Variants in SLC26A9 observed in about 807,000 individuals in gnomAD.
SLC26A9 encodes solute carrier family 26 member 9.
A neutral mutation model predicts 87.1 loss-of-function variants in SLC26A9; 46 were observed. That is an observed-to-expected ratio of 0.53 (90% CI 0.42 to 0.67). The LOEUF is 0.67. Among genes scored for constraint, SLC26A9 ranks in the 30% least tolerant of loss-of-function variants. The probability of loss-of-function intolerance (pLI) is 0.00; values close to 1 mark genes in which losing one functional copy is unlikely to be tolerated. For synonymous variants in SLC26A9, 437 were observed against 409.1 expected (o/e 1.07, Z -0.82); for missense variants, 927 against 1,018.3 (o/e 0.91, Z 1.22).
At chr1:205,929,162 A>G in intron 7 of SLC26A9, 42 bp downstream of exon 7, 5 of 1,591,802 alleles carry the variant, frequency 3.1e-6, no homozygotes, top group Non-Finnish European at 4.3e-6. Context: ...CTCGTCTCAC[A>G]GCCTGGCCCC....
In SLC26A9 at chr1:205,932,007, C is replaced by A. The variant is rs773120486; in HGVS notation, c.405G>T (p.Val135=). 6.2e-7 allele frequency: 1 copy of A among 1,614,180 alleles called. No homozygotes were observed. Among genetic ancestry groups the A allele is most frequent in the East Asian group, 2.2e-5 (1 of 44,878 alleles). The change falls in exon 5 of 21, where the codon GTG becomes GTT. Residue 135 remains valine (V), a synonymous_variant. Transcript: ENST00000367135. ...GGGCCAGCTGCAGACAGATGTTACCCACCAGGATGCTGATAACGGCAAAGG... is the reference window on the plus strand; with the variant it reads ...GGGCCAGCTGCAGACAGATGTTACCAACCAGGATGCTGATAACGGCAAAGG... The part of the protein sequence containing the change: ...PGTFAVISIL[V]GNICLQLAPE...
rs376730677 is a variant in SLC26A9 at position 205,915,006 on chromosome 1, C to T, written c.*351G>A. 1.9e-6 allele frequency: 3 copies of T among 1,614,052 alleles called. No individual in the cohort carries two copies. Among genetic ancestry groups the T allele is most frequent in the Admixed American group, 1.7e-5 (1 of 60,000 alleles). ...TGTACTTGTCCTTCTGTTTTTGGCT[C>T]ACTCGTAAAAGCTGGAAGTCAAGGT... On this transcript the variant is annotated 3_prime_UTR_variant, in exon 21 of 21. Coordinates refer to ENST00000367135, the MANE Select transcript of SLC26A9 (RefSeq NM_052934.4).
At chr1:205,933,589 C>T (rs1173223467) in intron 2 of SLC26A9, among the ~76,000 whole-genome samples, 1 of 152,164 alleles carries the variant, frequency 6.6e-6, no homozygotes, top group African/African-American at 2.4e-5. Context: ...TTGTACACCT[C>T]GAGCCTTGCA....
intron 5 of SLC26A9, chr1:205,930,326 C>T (rs1659254356): frequency 6.8e-6 from 2 of 293,400 alleles, no homozygotes; most frequent in African/African-American, 4.3e-5. Context: ...AGTCCTCCCC[C>T]AGTGTTTTCT....
rs149153690 is a variant in SLC26A9 at position 205,930,299 on chromosome 1, A to G, written c.553-243T>C. The G allele has an allele frequency of 3.5e-3, 1,251 of 356,276 alleles. 3 individuals carry two copies. The highest frequency in any genetic ancestry group is 4.9e-3 in the Non-Finnish European group (963 of 198,050). The allele number at this position is 356,276 out of a possible 1,614,324, so 22.1% of individuals were successfully genotyped here. ...CACATCACCTCTCTGGCTTTGGCTT[A>G]TCTGTAAAATAAGTCTAGTCCTCCC... On this transcript the variant is annotated intron_variant, in intron 5 of 20. Transcript: ENST00000367135.
intron 4 of SLC26A9, among the ~76,000 whole-genome samples, chr1:205,932,456 C>T (rs901451910): frequency 2.6e-5 from 4 of 152,262 alleles, no homozygotes; most frequent in African/African-American, 9.6e-5. Flanking sequence ...TCTTGTTCTG[C>T]TAAGTCTTCC....
chr1:205,926,699 G>A (rs1287702685), intron 11 of SLC26A9, 69 bp from the exon 12 acceptor site: 13 of 1,279,842 alleles, frequency 1.0e-5, no homozygotes, highest in South Asian at 2.4e-5. Flanking sequence ...GCGCATACCC[G>A]ACCCCAAGGC....
At position 205,923,338 on chromosome 1, in the gene SLC26A9, G is replaced by A; in HGVS notation, c.1656C>T (p.Ala552=). ...NSEIFRQKVI[A]KTGMDPQKVL... Reference sequence around the variant, plus strand: ...GTCGCCAGGGACTGAGCCTTACCTTGGCGATGACCTTTTGCCTGAAGATCT... The same window carrying A: ...GTCGCCAGGGACTGAGCCTTACCTTAGCGATGACCTTTTGCCTGAAGATCT... Residue 552 remains alanine, a synonymous_variant, in exon 15 of 21, where the codon GCC becomes GCT. Transcript: ENST00000367135. 1.2e-6 allele frequency: 2 copies of A among 1,614,102 alleles called. No homozygotes were observed. The highest frequency in any genetic ancestry group is 2.2e-5 in the East Asian group (1 of 44,878).
At chr1:205,924,983 C>A (rs564421245) in intron 12 of SLC26A9, among the ~76,000 whole-genome samples, 5 of 152,086 alleles carry the variant, frequency 3.3e-5, no homozygotes, top group African/African-American at 1.2e-4. Context: ...TTTCTAGAGA[C>A]GGCTCTCGCT....
At chr1:205,915,446 G>A in intron 20 of SLC26A9, 42 bp from the exon 21 acceptor site, 1 of 1,613,278 alleles carries the variant, frequency 6.2e-7, no homozygotes, top group African/African-American at 1.3e-5. Context: ...GAAGAGAGAG[G>A]TTAGACCAGT....
At chr1:205,929,852 G>A (rs1659233722) in intron 6 of SLC26A9, 40 bp downstream of exon 6, 2 of 1,553,518 alleles carry the variant, frequency 1.3e-6, no homozygotes, top group Non-Finnish European at 1.8e-6. Context: ...GTGTCTGCTG[G>A]AGCCTTGCTC....
intron 2 of SLC26A9, among the ~76,000 whole-genome samples, chr1:205,934,358 G>A (rs182262416): frequency 6.6e-6 from 1 of 152,290 alleles, no homozygotes; most frequent in East Asian, 1.9e-4. Context: ...GAGAGAACCA[G>A]CCCTGCAGGG....
intron 19 of SLC26A9, among the ~76,000 whole-genome samples, chr1:205,918,255 G>C (rs1395301121): frequency 6.6e-6 from 1 of 152,154 alleles, no homozygotes; most frequent in African/African-American, 2.4e-5. Context: ...ACCCCAAGGA[G>C]GTAGGCTTTT....
In SLC26A9 at chr1:205,929,196, G is replaced by A. The variant is rs780827545; in HGVS notation, c.870+8C>T. 5 of 1,612,734 alleles carry A rather than the reference G, an allele frequency of 3.1e-6. No individual in the cohort carries two copies. Among genetic ancestry groups the A allele is most frequent in the South Asian group, 1.1e-5 (1 of 90,920 alleles). On this transcript the variant is annotated splice_region_variant and intron_variant, in intron 7 of 20. Coordinates refer to ENST00000367135, the MANE Select transcript of SLC26A9 (RefSeq NM_052934.4). ...CCCCAACATCCCAGCTCTGAACAAG[G>A]TCCTTACCACAATCATCTCTGTAGG...
At chr1:205,929,123 G>A in intron 7 of SLC26A9, 81 bp downstream of exon 7, 1 of 1,559,916 alleles carries the variant, frequency 6.4e-7, no homozygotes, top group Non-Finnish European at 8.7e-7. Context: ...GCCAGTTGAG[G>A]GGATGGGGTG....
Position 205,929,942 on chromosome 1 carries a change from T to G in SLC26A9, c.667A>C (p.Ile223Leu). The change falls in exon 6 of 21, where the codon ATC becomes CTC. Residue 223 changes from isoleucine to leucine, a missense_variant. Ile to Leu is a conservative substitution (Grantham distance 5). Transcript: ENST00000367135. ...LQILISVLKYIFGLTIPSYTG... is the reference protein window; with the variant it reads ...LQILISVLKYLFGLTIPSYTG... ...TAGGAGGGGATGGTCAGTCCGAAGA[T>G]GTACTTGAGCACCGAAATCAGGATC... 1 of 1,613,670 alleles carries G rather than the reference T, an allele frequency of 6.2e-7. No homozygotes were observed. Among genetic ancestry groups the G allele is most frequent in the Non-Finnish European group, 8.5e-7 (1 of 1,179,612 alleles).
At chr1:205,927,414 T>C in intron 10 of SLC26A9, 78 bp downstream of exon 10, 2 of 1,547,970 alleles carry the variant, frequency 1.3e-6, no homozygotes, top group Non-Finnish European at 1.8e-6. Context: ...AGAGCTGGCC[T>C]GGCTTGCAGT....
intron 11 of SLC26A9, 25 bp downstream of exon 11, chr1:205,927,185 CT>C: frequency 1.2e-6 from 2 of 1,613,316 alleles, no homozygotes; most frequent in Non-Finnish European, 1.7e-6. Context: ...CTTTCGTTGA[CT>C]TCTGCTCGAT....
At chr1:205,916,283 G>A (rs1485698861) in intron 20 of SLC26A9, among the ~76,000 whole-genome samples, 1 of 152,150 alleles carries the variant, frequency 6.6e-6, no homozygotes, top group African/African-American at 2.4e-5. Flanking sequence ...TTTTAGTAGA[G>A]ACGGGGTTTC....
Sources: allele counts gnomAD v4.1 joint callset (sites outside exome capture counted in the v4.1 genomes callset), GRCh38; gene constraint gnomAD v4.1.1; transcripts MANE v1.5; gene names NCBI Gene and HGNC (gene_info 2026-07-23, HGNC 2026-07-21).